Variants in RGL3 observed in about 807,000 individuals in gnomAD.
The protein encoded by RGL3 is ral guanine nucleotide dissociation stimulator-like 3.
Under a neutral mutation model 90.6 loss-of-function variants are expected in RGL3, and 85 were observed. The observed-to-expected ratio is 0.94, with a 90% CI of 0.79 to 1.12. RGL3 has a LOEUF of 1.12. RGL3 is among the 50% of genes most tolerant of loss of function. The pLI, the probability that RGL3 is intolerant of heterozygous loss-of-function variation, is 0.00. For missense variants in RGL3, 1,034 were observed against 939.2 expected, an observed-to-expected ratio of 1.10 and a Z score of -1.32; for synonymous variants, 408 against 385.5, an observed-to-expected ratio of 1.06 and a Z score of -0.68.
rs1397653086 is a variant in RGL3, at chr19:11,416,010, T to G, written c.564A>C (p.Ala188=). Residue 188 remains alanine (A), a synonymous_variant, in exon 5 of 19, where the codon GCA becomes GCC. Transcript: ENST00000380456. ...CCAAAAAATCTTCCAGAAGCTTCTC[T>G]GCTTTTTGAGCCTCAGCACTCCCTG... is the stretch of plus-strand genomic sequence containing the variant. ...AAPGSAEAQK[A]EKLLEDFLEE... 1 of 1,613,860 alleles carries G rather than the reference T, an allele frequency of 6.2e-7. No homozygotes were observed. The highest frequency in any genetic ancestry group is 1.3e-5 in the African/African-American group (1 of 74,868).
At chr19:11,396,986 T>G (rs394497) in intron 18 of RGL3, among the ~76,000 whole-genome samples, 1 of 151,890 alleles carries the variant, frequency 6.6e-6, no homozygotes, top group East Asian at 1.9e-4. Flanking sequence ...GACAATCTTA[T>G]TGTCTTTTAA....
intron 2 of RGL3, 127 bp from the exon 3 acceptor site, chr19:11,417,186 C>T: frequency 1.3e-6 from 1 of 753,708 alleles, no homozygotes; most frequent in Admixed American, 3.1e-5. Context: ...GAGTCTCACT[C>T]TGTTGCCCAG....
At chr19:11,415,900 CCTT>C (rs778868446) in intron 5 of RGL3, 34 bp downstream of exon 5, 1 of 1,547,956 alleles carries the variant, frequency 6.5e-7, no homozygotes, top group South Asian at 1.2e-5. Context: ...ACAGGAAAGG[CCTT>C]CTCAGAACAC....
At chr19:11,415,789 T>A (rs564673707) in intron 5 of RGL3, 148 bp downstream of exon 5, 1 of 771,500 alleles carries the variant, frequency 1.3e-6, no homozygotes, top group South Asian at 1.8e-5. Context: ...AGAATTATTA[T>A]CCCCATTGTA....
At chr19:11,418,071 G>A (rs1465375352) in intron 2 of RGL3, among the ~76,000 whole-genome samples, 1 of 151,960 alleles carries the variant, frequency 6.6e-6, no homozygotes, top group Non-Finnish European at 1.5e-5. Context: ...TTCTGCCTTG[G>A]TCTCTCGAAG....
At position 11,418,389 on chromosome 19, in the gene RGL3, T is replaced by C. The variant is rs112539760; in HGVS notation, c.147+282A>G. 750 of 483,930 alleles carry C rather than the reference T, an allele frequency of 1.5e-3. 2 individuals carry two copies. The highest frequency in any genetic ancestry group is 0.014 in the African/African-American group (690 of 48,744). 30.0% of individuals were successfully genotyped at this position (483,930 alleles called of 1,614,324 possible). On this transcript the variant is annotated intron_variant, in intron 2 of 18. Coordinates refer to ENST00000380456, the MANE Select transcript of RGL3 (RefSeq NM_001035223.4). ...CCTTCCAGCCCCGGCCCTCTAAACC[T>C]GCCTTTCCCAACTCTGCCGTCCAGT...
chr19:11,396,806 T>A (rs1138134), intron 18 of RGL3, among the ~76,000 whole-genome samples: 1 of 151,734 alleles, frequency 6.6e-6, no homozygotes, highest in South Asian at 2.1e-4. Context: ...TAGCTGGGAC[T>A]ACAGGAGTGT....
chr19:11,406,575 G>A lies in RGL3; in HGVS notation c.840C>T (p.Asp280=), dbSNP rs1168593963. The A allele has an allele frequency of 6.4e-7, 1 of 1,551,486 alleles. No individual in the cohort carries two copies. Residue 280 remains aspartate (D), a synonymous_variant, in exon 7 of 19, where the codon GAC becomes GAT. Transcript: ENST00000380456. ...GGGAGGCGCCTGCAGCCCCCGGCCG[G>A]TCCCTCTGCGACCACACGGAGCCCA... is the stretch of plus-strand genomic sequence containing the variant. The part of the protein sequence containing the change: ...ECLGSVWSQR[D]RPGAAGASPT...
intron 5 of RGL3, among the ~76,000 whole-genome samples, chr19:11,414,389 T>TTA (rs1259362715): frequency 1.8e-5 from 2 of 110,334 alleles, no homozygotes; most frequent in African/African-American, 7.7e-5. Context: ...ATATATACCT[T>TTA]TATATATATA....
At chr19:11,404,032 C>G (rs1375622099) in intron 9 of RGL3, among the ~76,000 whole-genome samples, 1 of 152,162 alleles carries the variant, frequency 6.6e-6, no homozygotes, top group Non-Finnish European at 1.5e-5. Context: ...CAGACGTGCA[C>G]CACAAACGCC....
chr19:11,406,602 G>A lies in RGL3; in HGVS notation c.813C>T (p.Cys271=), dbSNP rs1012504908. The change falls in exon 7 of 19, where the codon TGC becomes TGT. Residue 271 remains cysteine, a synonymous_variant. Coordinates refer to ENST00000380456, the MANE Select transcript of RGL3 (RefSeq NM_001035223.4). ...CCCTCTGCGACCACACGGAGCCCAAGCACTCGTAGAGCCTCACCTTGGAGA... is the reference window on the plus strand; with the variant it reads ...CCCTCTGCGACCACACGGAGCCCAAACACTCGTAGAGCCTCACCTTGGAGA... The part of the protein sequence containing the change: ...ELFSKVRLYE[C]LGSVWSQRDR... 7 of 1,554,158 alleles carry A rather than the reference G, an allele frequency of 4.5e-6. No homozygotes were observed. The African/African-American group carries it at 5.5e-5, about 12-fold the overall frequency.
chr19:11,396,857 G>C (rs563807973), intron 18 of RGL3, among the ~76,000 whole-genome samples: 4 of 151,016 alleles, frequency 2.6e-5, no homozygotes, highest in Admixed American at 6.6e-5. Context: ...TCGTAGAGAC[G>C]GGGTTTCACC....
At chr19:11,414,092 T>C (rs1430696566) in intron 5 of RGL3, among the ~76,000 whole-genome samples, 1 of 125,876 alleles carries the variant, frequency 7.9e-6, no homozygotes, top group Non-Finnish European at 1.6e-5. Context: ...GATACCACAG[T>C]GAACTATGGA....
chr19:11,418,426 C>G (rs1969040844), intron 2 of RGL3: 1 of 565,124 alleles, frequency 1.8e-6, no homozygotes, highest in African/African-American at 1.9e-5. Context: ...CTGTCCTTAC[C>G]AAGTTGTCCC....
chr19:11,402,174 C>G, intron 12 of RGL3, 41 bp downstream of exon 12: 1 of 1,609,318 alleles, frequency 6.2e-7, no homozygotes, highest in South Asian at 1.1e-5. Context: ...GCCCCACCCC[C>G]ACCCTCAGGC....
At chr19:11,402,835 C>A (rs1426094618) in intron 9 of RGL3, 129 bp from the exon 10 acceptor site, 2 of 747,202 alleles carry the variant, frequency 2.7e-6, no homozygotes, top group Non-Finnish European at 4.3e-6. Context: ...AGGCCAGGTG[C>A]GATGGCTCAC....
In RGL3 at chr19:11,406,648, G is replaced by C; in HGVS notation, c.781-14C>G. The C allele has an allele frequency of 1.9e-6, 3 of 1,579,366 alleles. No individual in the cohort carries two copies. The highest frequency in any genetic ancestry group is 2.6e-6 in the Non-Finnish European group (3 of 1,162,354). On this transcript the variant is annotated splice_polypyrimidine_tract_variant and intron_variant, in intron 6 of 18. Transcript: ENST00000380456. ...GGAGAAGAGCTCCTGGGCCAGGGGA[G>C]GGGTGTGGGATTGGTGCTTAGCAGA...
In RGL3 at chr19:11,402,548, C is replaced by A; in HGVS notation, c.1243-7G>T. 6.2e-7 allele frequency: 1 copy of A among 1,603,782 alleles called. No individual in the cohort carries two copies. Among genetic ancestry groups the A allele is most frequent in the East Asian group, 2.2e-5 (1 of 44,852 alleles). On this transcript the variant is annotated splice_polypyrimidine_tract_variant and splice_region_variant and intron_variant, in intron 10 of 18. Coordinates refer to ENST00000380456, the MANE Select transcript of RGL3 (RefSeq NM_001035223.4). ...CAGGGCCTGGGGGTGGTTTCTGCAGCCCCCAAAGCTCCAGTCACTTGGGGC... is the reference window on the plus strand; with the variant it reads ...CAGGGCCTGGGGGTGGTTTCTGCAGACCCCAAAGCTCCAGTCACTTGGGGC...
chr19:11,403,303 G>A (rs1033291495), intron 9 of RGL3, among the ~76,000 whole-genome samples: 1 of 149,034 alleles, frequency 6.7e-6, no homozygotes, highest in African/African-American at 2.4e-5. Context: ...CCAAAGTGCT[G>A]GGATTACAGG....
Sources: allele counts gnomAD v4.1 joint callset (sites outside exome capture counted in the v4.1 genomes callset), GRCh38; gene constraint gnomAD v4.1.1; transcripts MANE v1.5; gene names NCBI Gene and HGNC (gene_info 2026-07-23, HGNC 2026-07-21).